Variants in COL4A2 observed in about 807,000 individuals in gnomAD.
The protein encoded by COL4A2 is collagen type IV alpha 2 chain.
COL4A2 carries 99 observed loss-of-function variants against 200.2 expected under a neutral mutation model. The observed-to-expected ratio is 0.49, with a 90% CI of 0.42 to 0.58. COL4A2 has a LOEUF of 0.58. COL4A2 is among the 20% of genes least tolerant of loss of function. The probability of loss-of-function intolerance (pLI) is 0.00; values close to 1 mark genes in which losing one functional copy is unlikely to be tolerated. For synonymous variants in COL4A2, 897 were observed against 900.6 expected (o/e 1.00, Z 0.07); for missense variants, 1,950 against 2,314.1 (o/e 0.84, Z 3.23).
rs558575586 is a variant in COL4A2, at chr13:110,512,553, C to T, written c.*362C>T. 3.7e-5 allele frequency: 9 copies of T among 244,980 alleles called. No individual in the cohort carries two copies. Among genetic ancestry groups the T allele is most frequent in the Admixed American group, 1.6e-4 (3 of 18,600 alleles). The allele number at this position is 244,980 out of a possible 1,614,324, so 15.2% of individuals were successfully genotyped here. A position where few individuals can be genotyped will look rare whatever the true frequency, so the allele number is the denominator to read the frequency against. On this transcript the variant is annotated 3_prime_UTR_variant, in exon 48 of 48. Transcript: ENST00000360467. ...AACTCCCTTCTCGGGGTGGGACAGA[C>T]GAGACAACAGCACACAGGCAGCCAG...
chr13:110,375,806 G>A (rs532626857), intron 4 of COL4A2, among the ~76,000 whole-genome samples: 1 of 151,836 alleles, frequency 6.6e-6, no homozygotes, highest in South Asian at 2.1e-4. Context: ...CTCCAGCCTG[G>A]ATGACAGAGT....
chr13:110,425,016 T>A lies in COL4A2; in HGVS notation c.360+19T>A. The A allele has an allele frequency of 6.2e-7, 1 of 1,613,478 alleles. No homozygotes were observed. The highest frequency in any genetic ancestry group is 8.5e-7 in the Non-Finnish European group (1 of 1,179,884). On this transcript the variant is annotated intron_variant, in intron 6 of 47. Transcript: ENST00000360467. Reference sequence around the variant, plus strand: ...AATTCCTGTAAGTTTTATGGAAGACTGGAATTTTAAAACATTGCGTGCATC... The same window carrying A: ...AATTCCTGTAAGTTTTATGGAAGACAGGAATTTTAAAACATTGCGTGCATC...
chr13:110,467,693 G>A (rs960757667), intron 27 of COL4A2, among the ~76,000 whole-genome samples: 4 of 152,300 alleles, frequency 2.6e-5, no homozygotes, highest in South Asian at 4.1e-4. Flanking sequence ...CTGCCGTCCC[G>A]CCTGCGCTGC....
intron 4 of COL4A2, among the ~76,000 whole-genome samples, chr13:110,395,812 G>A (rs970329438): frequency 1.3e-5 from 2 of 152,150 alleles, no homozygotes; most frequent in Non-Finnish European, 2.9e-5. Context: ...AGGTTTGGTG[G>A]CGCATGCCTG....
intron 4 of COL4A2, among the ~76,000 whole-genome samples, chr13:110,388,492 T>TG (rs1457665450): frequency 6.6e-6 from 1 of 152,250 alleles, no homozygotes; most frequent in African/African-American, 2.4e-5. Flanking sequence ...TCCAAACTGC[T>TG]GCCCCATTTT....
chr13:110,487,249 C>T (rs1288085607), intron 34 of COL4A2, among the ~76,000 whole-genome samples: 2 of 152,194 alleles, frequency 1.3e-5, no homozygotes, highest in Non-Finnish European at 2.9e-5. Flanking sequence ...GTCAGGAGAT[C>T]GAGACTAGCC....
intron 23 of COL4A2, 35 bp downstream of exon 23, chr13:110,462,221 A>G: frequency 6.2e-7 from 1 of 1,614,272 alleles, no homozygotes; most frequent in East Asian, 2.2e-5. Context: ...CCCCTGGGGC[A>G]CTGAGCCTTC....
intron 4 of COL4A2, among the ~76,000 whole-genome samples, chr13:110,383,606 C>CTTTT (rs67906394): frequency 2.6e-4 from 17 of 65,352 alleles, no homozygotes; most frequent in Admixed American, 7.6e-4. Flanking sequence ...CAGCCCTTTT[C>CTTTT]TTTTTTTTTT....
At chr13:110,485,510 G>A (rs1044184643) in intron 33 of COL4A2, 145 bp from the exon 34 acceptor site, 20 of 612,324 alleles carry the variant, frequency 3.3e-5, no homozygotes, top group South Asian at 7.2e-5. Context: ...GCGACAGAGC[G>A]AGACTCCGTC....
intron 4 of COL4A2, among the ~76,000 whole-genome samples, chr13:110,395,654 T>G (rs959148844): frequency 1.3e-5 from 2 of 152,190 alleles, no homozygotes; most frequent in African/African-American, 4.8e-5. Context: ...AATGCGAAAG[T>G]CCATTTCTGG....
chr13:110,493,109 AT>A, intron 38 of COL4A2, 101 bp from the exon 39 acceptor site: 1 of 492,192 alleles, frequency 2.0e-6, no homozygotes, highest in African/African-American at 4.8e-5. Flanking sequence ...TGACACCCCC[AT>A]GGGTGAAATA....
At chr13:110,435,702 G>A (rs1275713747) in intron 12 of COL4A2, among the ~76,000 whole-genome samples, 2 of 152,168 alleles carry the variant, frequency 1.3e-5, no homozygotes, top group Non-Finnish European at 2.9e-5. Flanking sequence ...CAAGGATAAC[G>A]GTCCAGTAAT....
At chr13:110,476,822 C>A (rs1882721872) in intron 29 of COL4A2, among the ~76,000 whole-genome samples, 1 of 152,164 alleles carries the variant, frequency 6.6e-6, no homozygotes, top group African/African-American at 2.4e-5. Context: ...GACCACTGGG[C>A]AGGACAGGAT....
Position 110,503,434 on chromosome 13 carries a change from T to C in COL4A2, c.4091T>C (p.Val1364Ala). 1 of 1,588,496 alleles carries C rather than the reference T, an allele frequency of 6.3e-7. No homozygotes were observed. The highest frequency in any genetic ancestry group is 1.3e-5 in the African/African-American group (1 of 74,558). Residue 1364 changes from valine to alanine, a missense_variant, in exon 43 of 48, where the codon GTG (valine) becomes GCG (alanine). By Grantham distance (64) the Val-to-Ala change is moderately conservative (BLOSUM62 0). Coordinates refer to ENST00000360467, the MANE Select transcript of COL4A2 (RefSeq NM_001846.4). The stretch of plus-strand genomic sequence containing the variant: ...GGGAACACTGGACCCACTGGGGCGG[T>C]GGGCGACAGAGGCCCCAAGGGACCC... ...FMGNTGPTGA[V>A]GDRGPKGPKG...
Position 110,462,287 on chromosome 13 carries a change from G to A in COL4A2, c.1679G>A (p.Gly560Glu). The stretch of plus-strand genomic sequence containing the variant: ...GCAAATCCCTTTCTAGGTGAGCGGG[G>A]ACAGCCCGGCGTCCCAGGTGTGCCC... Reference protein sequence around the residue: ...SRTITTKGERGQPGVPGVPGM... With the variant: ...SRTITTKGEREQPGVPGVPGM... The change falls in exon 24 of 48, where the codon GGA becomes GAA. Residue 560 changes from glycine to glutamate, a missense_variant. Gly to Glu is a moderately conservative substitution (Grantham distance 98, BLOSUM62 -2). Transcript: ENST00000360467. The A allele has an allele frequency of 1.2e-6, 2 of 1,614,230 alleles. No homozygotes were observed. The highest frequency in any genetic ancestry group is 1.7e-6 in the Non-Finnish European group (2 of 1,180,048).
intron 4 of COL4A2, among the ~76,000 whole-genome samples, chr13:110,365,515 A>T (rs752701043): frequency 7.1e-4 from 108 of 152,292 alleles, no homozygotes; most frequent in Non-Finnish European, 1.4e-3. Context: ...ACTTTGTCAC[A>T]AAGGGCTCTG....
At chr13:110,507,803 C>A in intron 46 of COL4A2, 132 bp from the exon 47 acceptor site, 1 of 860,446 alleles carries the variant, frequency 1.2e-6, no homozygotes, top group Non-Finnish European at 1.8e-6. Flanking sequence ...CCTGGCCCTC[C>A]AGTAGGTGGC....
chr13:110,487,527 A>G (rs1883155059), intron 34 of COL4A2, among the ~76,000 whole-genome samples: 1 of 152,246 alleles, frequency 6.6e-6, no homozygotes, highest in Admixed American at 6.5e-5. Flanking sequence ...ACCTTTATTC[A>G]TAACAGCTCG....
chr13:110,398,968 C>A (rs965060368), intron 4 of COL4A2, among the ~76,000 whole-genome samples: 1 of 151,958 alleles, frequency 6.6e-6, no homozygotes, highest in African/African-American at 2.4e-5. Context: ...AGGAGATCAA[C>A]CACAAATTCC....
Sources: gnomAD v4.1 joint callset for allele counts (sites outside exome capture counted in the v4.1 genomes callset) on GRCh38, gnomAD v4.1.1 for gene constraint, MANE v1.5 for transcripts, NCBI Gene and HGNC (gene_info 2026-07-23, HGNC 2026-07-21) for gene names.